Variants in WDR41 observed in about 807,000 individuals in gnomAD.
WDR41 encodes the protein WD repeat domain 41.
WDR41 carries 63 observed loss-of-function variants against 69.3 expected under a neutral mutation model. That is an observed-to-expected ratio of 0.91 (90% CI 0.74 to 1.12). WDR41 has a LOEUF of 1.12. Among genes scored for constraint, WDR41 ranks in the 50% most tolerant of loss-of-function variants. The pLI, the probability that WDR41 is intolerant of heterozygous loss-of-function variation, is 0.00. For synonymous variants in WDR41, 185 were observed against 192.1 expected, an observed-to-expected ratio of 0.96 and a Z score of 0.31; for missense variants, 543 against 534.5, an observed-to-expected ratio of 1.02 and a Z score of -0.16.
intron 6 of WDR41, chr5:77,452,092 G>A (rs146970506): frequency 2.0e-4 from 31 of 151,532 alleles, no homozygotes; most frequent in African/African-American, 6.8e-4. Flanking sequence ...TGTAGAAAAC[G>A]GTCTAGTCAT....
chr5:77,547,109 A>AAAATC (rs1743213302), intron 1 of WDR41, among the ~76,000 whole-genome samples: 1 of 152,084 alleles, frequency 6.6e-6, no homozygotes, highest in African/African-American at 2.4e-5. Flanking sequence ...ATCAGCATAC[A>AAAATC]AGGATCATAC....
At chr5:77,593,618 G>A (rs1205205928) in intron 1 of WDR41, among the ~76,000 whole-genome samples, 10 of 152,108 alleles carry the variant, frequency 6.6e-5, no homozygotes, top group Non-Finnish European at 1.2e-4. Context: ...GAGTCACAAA[G>A]TTCATTCATC....
intron 1 of WDR41, among the ~76,000 whole-genome samples, chr5:77,613,652 G>C (rs1166590318): frequency 1.3e-5 from 2 of 152,176 alleles, no homozygotes; most frequent in Non-Finnish European, 2.9e-5. Flanking sequence ...ATTCAAGATG[G>C]ATTAAAGATT....
chr5:77,545,693 A>C (rs1342881619), intron 1 of WDR41: 9 of 469,950 alleles, frequency 1.9e-5, no homozygotes, highest in African/African-American at 1.8e-4. Flanking sequence ...GAGGTTTTAA[A>C]GGTTACGCCA....
chr5:77,443,956 C>T (rs1285894361), intron 8 of WDR41, among the ~76,000 whole-genome samples: 1 of 149,158 alleles, frequency 6.7e-6, no homozygotes, highest in Non-Finnish European at 1.5e-5. Context: ...AATCTTGGCT[C>T]CCTGTAACCT....
At chr5:77,578,533 T>C (rs1025112512) in intron 1 of WDR41, among the ~76,000 whole-genome samples, 2 of 152,126 alleles carry the variant, frequency 1.3e-5, no homozygotes, top group Non-Finnish European at 1.5e-5. Flanking sequence ...GTGGATTTAA[T>C]GGAAAAGACT....
At chr5:77,504,832 C>T (rs998013829) in intron 1 of WDR41, among the ~76,000 whole-genome samples, 12 of 152,018 alleles carry the variant, frequency 7.9e-5, no homozygotes, top group South Asian at 2.1e-4. Flanking sequence ...CAGCCCTTCA[C>T]GCTAAAAACT....
chr5:77,504,582 T>A (rs1209059024), intron 1 of WDR41, among the ~76,000 whole-genome samples: 1 of 152,136 alleles, frequency 6.6e-6, no homozygotes, highest in African/African-American at 2.4e-5. Context: ...AAAAGAGAAT[T>A]TTAGACCAAT....
chr5:77,603,267 G>A (rs1744357874), intron 1 of WDR41, among the ~76,000 whole-genome samples: 1 of 152,024 alleles, frequency 6.6e-6, no homozygotes, highest in African/African-American at 2.4e-5. Flanking sequence ...ATTCTAACTG[G>A]GTGAGATGAT....
intron 1 of WDR41, among the ~76,000 whole-genome samples, chr5:77,534,143 A>C (rs1419674471): frequency 1.3e-5 from 2 of 152,156 alleles, no homozygotes; most frequent in Non-Finnish European, 2.9e-5. Flanking sequence ...GACACTTAAA[A>C]AAGTATTATT....
rs182744134 is a variant in WDR41, at chr5:77,571,693, T to A, written c.42+48786A>T. 5.3e-3 allele frequency among the ~76,000 whole-genome samples: 808 copies of A among 152,274 alleles called. 2 individuals are homozygous for A. Among genetic ancestry groups the A allele is most frequent in the African/African-American group, 0.019 (780 of 41,554 alleles). On this transcript the variant is annotated intron_variant, in intron 1 of 5. Coordinates refer to the WDR41 transcript ENST00000509971. Reference sequence around the variant, plus strand: ...TCTTAGCTCACAGAGAGCACTCTCTTCCTCCATGGTAGATTCTGAAGCTTT... The same window carrying A: ...TCTTAGCTCACAGAGAGCACTCTCTACCTCCATGGTAGATTCTGAAGCTTT...
intron 1 of WDR41, among the ~76,000 whole-genome samples, chr5:77,601,025 T>C (rs1257812811): frequency 2.0e-5 from 3 of 150,878 alleles, no homozygotes; most frequent in African/African-American, 7.3e-5. Flanking sequence ...AAGAAGATCA[T>C]AGTAAGAAAA....
rs1003431904 is a variant in WDR41 at position 77,618,540 on chromosome 5, T to A, written c.42+1939A>T. On this transcript the variant is annotated intron_variant, in intron 1 of 5. Transcript: ENST00000509971. ...GGCGCACACCACCATGCCTGGCTAA[T>A]TTTTGTATTTTTAGTAGAGATGGGG... is the stretch of plus-strand genomic sequence containing the variant. Among the ~76,000 whole-genome samples, 2 of 152,006 alleles carry A rather than the reference T, an allele frequency of 1.3e-5. 1 individual carries two copies. Among genetic ancestry groups the A allele is most frequent in the Non-Finnish European group, 2.9e-5 (2 of 67,986 alleles).
At chr5:77,457,426 A>G (rs1357719216) in intron 5 of WDR41, among the ~76,000 whole-genome samples, 3 of 152,254 alleles carry the variant, frequency 2.0e-5, no homozygotes, top group Admixed American at 2.0e-4. Context: ...GTATTTTCTT[A>G]TAAGACATTT....
intron 3 of WDR41, among the ~76,000 whole-genome samples, chr5:77,464,045 T>TAA (rs10667562): frequency 0.074 from 10,940 of 148,544 alleles, 802 homozygotes; most frequent in East Asian, 0.26. Flanking sequence ...AGTATTTATT[T>TAA]AAAAAAAAAA....
chr5:77,508,723 C>A (rs987750639), intron 1 of WDR41, among the ~76,000 whole-genome samples: 1 of 152,144 alleles, frequency 6.6e-6, no homozygotes, highest in African/African-American at 2.4e-5. Context: ...TTCCTCCCTT[C>A]TCTGGAGCTT....
intron 1 of WDR41, among the ~76,000 whole-genome samples, chr5:77,527,183 T>A (rs1479196215): frequency 6.6e-6 from 1 of 151,924 alleles, no homozygotes; most frequent in Non-Finnish European, 1.5e-5. Flanking sequence ...GACTCAATAC[T>A]CTAGTGAAAA....
At chr5:77,438,848 T>C (rs1276530742) in intron 9 of WDR41, among the ~76,000 whole-genome samples, 1 of 152,192 alleles carries the variant, frequency 6.6e-6, no homozygotes, top group Non-Finnish European at 1.5e-5. Context: ...GGCATTATCA[T>C]CATGCAATCC....
intron 8 of WDR41, among the ~76,000 whole-genome samples, chr5:77,446,777 A>G (rs560356838): frequency 6.6e-6 from 1 of 152,358 alleles, no homozygotes; most frequent in South Asian, 2.1e-4. Flanking sequence ...AAATTAACTC[A>G]AGATGAATTA....
Sources: gnomAD v4.1 joint callset for allele counts (sites outside exome capture counted in the v4.1 genomes callset) on GRCh38, gnomAD v4.1.1 for gene constraint, MANE v1.5 for transcripts, NCBI Gene and HGNC (gene_info 2026-07-23, HGNC 2026-07-21) for gene names.